PLPPR4: variants seen among roughly 807,000 people sequenced by gnomAD.
PLPPR4 encodes phospholipid phosphatase-related protein type 4.
Under a neutral mutation model 56.6 loss-of-function variants are expected in PLPPR4, and 24 were observed. That is an observed-to-expected ratio of 0.42 (90% CI 0.31 to 0.60). The LOEUF (loss-of-function observed/expected upper bound fraction) is 0.60, where lower values mean the gene tolerates loss of function less well. Among genes scored for constraint, PLPPR4 ranks in the 20% least tolerant of loss-of-function variants. PLPPR4 has a pLI of 0.13. For synonymous variants in PLPPR4, 326 were observed against 328.1 expected (o/e 0.99, Z 0.07); for missense variants, 654 against 885.8 (o/e 0.74, Z 3.32).
At chr1:99,305,103 T>C (rs895797248) in intron 6 of PLPPR4, among the ~76,000 whole-genome samples, 3 of 152,202 alleles carry the variant, frequency 2.0e-5, no homozygotes, top group Non-Finnish European at 4.4e-5. Flanking sequence ...AATCTGGCGA[T>C]GGTTTTTGCC....
At chr1:99,263,392 G>T (rs1026052391), upstream of PLPPR4, among the ~76,000 whole-genome samples, 1 of 152,152 alleles carries the variant, frequency 6.6e-6, no homozygotes, top group Non-Finnish European at 1.5e-5. Context: ...GCAGTGAAAT[G>T]AGTATATTAT....
At chr1:99,271,955 A>C (rs910519169) in intron 1 of PLPPR4, among the ~76,000 whole-genome samples, 3 of 145,868 alleles carry the variant, frequency 2.1e-5, no homozygotes, top group Admixed American at 6.8e-5. Flanking sequence ...ATGGAGATCC[A>C]ATCTGTGAGC....
At chr1:99,276,913 A>G (rs1659200339) in intron 1 of PLPPR4, among the ~76,000 whole-genome samples, 1 of 152,166 alleles carries the variant, frequency 6.6e-6, no homozygotes, top group East Asian at 1.9e-4. Context: ...CTCTCACAAA[A>G]TTGCCCATGT....
chr1:99,269,429 G>A (rs971374413), intron 1 of PLPPR4, among the ~76,000 whole-genome samples: 2 of 152,162 alleles, frequency 1.3e-5, no homozygotes, highest in African/African-American at 4.8e-5. Flanking sequence ...ATAATTATTT[G>A]GGCATAGCCC....
rs1660072091 is a variant in PLPPR4 at position 99,307,766 on chromosome 1, A to G, written c.*756A>G. The G allele has an allele frequency of 6.6e-6, 1 of 152,164 alleles. No individual in the cohort carries two copies. The highest frequency in any genetic ancestry group is 1.5e-5 in the Non-Finnish European group (1 of 68,028). The allele number at this position is 152,164 out of a possible 1,614,324, so 9.4% of individuals were successfully genotyped here. On this transcript the variant is annotated 3_prime_UTR_variant, in exon 7 of 7. Coordinates refer to ENST00000370185, the MANE Select transcript of PLPPR4 (RefSeq NM_014839.5). The stretch of plus-strand genomic sequence containing the variant: ...ATAGTTTTTCTTCTGCTTACTTTTT[A>G]TTTAAGTATAGGTACTGCTAATGAA...
intron 2 of PLPPR4, among the ~76,000 whole-genome samples, chr1:99,289,690 A>T (rs1659566275): frequency 6.6e-6 from 1 of 152,140 alleles, no homozygotes; most frequent in Non-Finnish European, 1.5e-5. Context: ...ACTAAAGACA[A>T]AAGCCACATG....
intron 2 of PLPPR4, among the ~76,000 whole-genome samples, chr1:99,293,131 G>A (rs763080947): frequency 3.9e-5 from 6 of 152,096 alleles, no homozygotes; most frequent in Non-Finnish European, 5.9e-5. Flanking sequence ...TGGAGTGGGG[G>A]TAAGGCAAAG....
In PLPPR4 at chr1:99,306,030, T is replaced by C. The variant is rs1660018765; in HGVS notation, c.1168T>C (p.Ser390Pro). The C allele has an allele frequency of 6.2e-7, 1 of 1,614,032 alleles. No homozygotes were observed. The highest frequency in any genetic ancestry group is 1.3e-5 in the African/African-American group (1 of 74,906). The part of the protein sequence containing the change: ...PVRRNASIHA[S>P]MDSARSKQLL... ...CAGAAGAAATGCGAGCATTCATGCCTCTATGGATTCCGCTCGATCAAAGCA... is the reference window on the plus strand; with the variant it reads ...CAGAAGAAATGCGAGCATTCATGCCCCTATGGATTCCGCTCGATCAAAGCA... The change falls in exon 7 of 7, where the codon TCT becomes CCT. Residue 390 changes from serine (S) to proline (P), a missense_variant. Physicochemically the swap from Ser to Pro is moderately conservative, Grantham distance 74 (BLOSUM62 -1). Around this residue, in one of 2 missense-constraint regions of PLPPR4, gnomAD observed 468 missense variants for 554.3 expected, o/e 0.84. Transcript: ENST00000370185. The surrounding 1 kb of genome is among the most constrained non-coding windows in gnomAD (Gnocchi z 4.0).
intron 1 of PLPPR4, among the ~76,000 whole-genome samples, chr1:99,285,307 CAT>C (rs552634837): frequency 2.4e-4 from 36 of 152,176 alleles, no homozygotes; most frequent in Middle Eastern, 3.4e-3. Flanking sequence ...ATTTCTAAAA[CAT>C]AATATTGGCA....
chr1:99,301,686 C>T (rs1250701727), intron 5 of PLPPR4, 38 bp from the exon 6 acceptor site: 1 of 1,457,068 alleles, frequency 6.9e-7, no homozygotes, highest in Non-Finnish European at 9.4e-7. Context: ...ATAAAATGGC[C>T]TTTCTAACAT....
chr1:99,303,236 A>G (rs187432021), intron 6 of PLPPR4, among the ~76,000 whole-genome samples: 1 of 152,238 alleles, frequency 6.6e-6, no homozygotes, highest in Non-Finnish European at 1.5e-5. Flanking sequence ...GTGGAAGTGG[A>G]AGGTGGGGGA....
intron 1 of PLPPR4, among the ~76,000 whole-genome samples, chr1:99,281,756 A>G (rs775270201): frequency 2.0e-5 from 3 of 152,114 alleles, no homozygotes; most frequent in South Asian, 2.1e-4. Context: ...TTGAATTTCA[A>G]TGTATTCTGT....
intron 1 of PLPPR4, among the ~76,000 whole-genome samples, chr1:99,271,258 G>A (rs982874696): frequency 6.6e-6 from 1 of 152,130 alleles, no homozygotes; most frequent in African/African-American, 2.4e-5. Flanking sequence ...TACTGAGAAG[G>A]CATTGTTATC....
At chr1:99,281,543 G>GTTA (rs1029475759) in intron 1 of PLPPR4, among the ~76,000 whole-genome samples, 15 of 152,058 alleles carry the variant, frequency 9.9e-5, no homozygotes, top group East Asian at 3.9e-4. Flanking sequence ...CTAATATTAT[G>GTTA]TTATTATTAT....
chr1:99,266,990 C>T (rs1207711386), intron 1 of PLPPR4, among the ~76,000 whole-genome samples: 2 of 152,206 alleles, frequency 1.3e-5, no homozygotes, highest in African/African-American at 4.8e-5. Flanking sequence ...TGCTTTACAG[C>T]ATAGTTTCCC....
chr1:99,302,714 T>C (rs1177187158), intron 6 of PLPPR4, among the ~76,000 whole-genome samples: 2 of 135,328 alleles, frequency 1.5e-5, no homozygotes, highest in African/African-American at 5.6e-5. Context: ...CCTTCCTGTG[T>C]CCATGTGTTC....
intron 1 of PLPPR4, among the ~76,000 whole-genome samples, chr1:99,287,351 T>A (rs1659491882): frequency 6.6e-6 from 1 of 152,230 alleles, no homozygotes; most frequent in Non-Finnish European, 1.5e-5. Context: ...GCAATAAACA[T>A]GCATGCACAT....
chr1:99,300,198 C>T (rs1659849615), intron 4 of PLPPR4, among the ~76,000 whole-genome samples: 1 of 151,950 alleles, frequency 6.6e-6, no homozygotes, highest in Admixed American at 6.6e-5. Context: ...ATTAGGAAGG[C>T]ACTAATTTAA....
In PLPPR4 at chr1:99,301,885, T is replaced by C; in HGVS notation, c.810T>C (p.Ile270=). 2 of 1,608,110 alleles carry C rather than the reference T, an allele frequency of 1.2e-6. No individual in the cohort carries two copies. The highest frequency in any genetic ancestry group is 1.7e-6 in the Non-Finnish European group (2 of 1,176,402). ...GTGGCTTTTTAATAGGAGGAGGAAT[T>C]GCACTGTACTTGGTAAATAAGTTAC... ...VYCGFLIGGG[I]ALYLGLYAVG... Residue 270 remains isoleucine (I), a synonymous_variant, in exon 6 of 7, where the codon ATT becomes ATC. Transcript: ENST00000370185.
Sources: gnomAD v4.1 joint callset for allele counts (sites outside exome capture counted in the v4.1 genomes callset) on GRCh38, gnomAD v4.1.1 for gene constraint, gnomAD v4.1.1 regional missense constraint, Gnocchi (gnomAD v3.1) non-coding constraint, MANE v1.5 for transcripts, NCBI Gene and HGNC (gene_info 2026-07-23, HGNC 2026-07-21) for gene names.